The following RMND1 variants were observed in gnomAD, a reference collection of about 807,000 sequenced individuals.
The protein encoded by RMND1 is required for meiotic nuclear division protein 1 homolog.
Under a neutral mutation model 54.0 loss-of-function variants are expected in RMND1, and 41 were observed. That is an observed-to-expected ratio of 0.76 (90% CI 0.59 to 0.98). RMND1 has a LOEUF of 0.98. Among genes scored for constraint, RMND1 ranks in the 50% least tolerant of loss-of-function variants. The probability of loss-of-function intolerance (pLI) is 0.00; values close to 1 mark genes in which losing one functional copy is unlikely to be tolerated. For missense variants in RMND1, 457 were observed against 532.0 expected, an observed-to-expected ratio of 0.86 and a Z score of 1.39; for synonymous variants, 183 against 181.7, an observed-to-expected ratio of 1.01 and a Z score of -0.06.
chr6:151,445,271 TC>T, intron 2 of RMND1, 36 bp downstream of exon 2: 1 of 1,567,462 alleles, frequency 6.4e-7, no homozygotes, highest in Non-Finnish European at 8.6e-7. Context: ...TGAGCAATGA[TC>T]ACTAAGCACG....
At chr6:151,422,699 G>A in intron 7 of RMND1, 94 bp from the exon 8 acceptor site, 1 of 509,144 alleles carries the variant, frequency 2.0e-6, no homozygotes, top group Non-Finnish European at 3.5e-6. Context: ...TACTATTTCA[G>A]TAATAGTTTA....
chr6:151,405,674 G>A, intron 11 of RMND1, 46 bp downstream of exon 11: 1 of 944,434 alleles, frequency 1.1e-6, no homozygotes, highest in South Asian at 1.4e-5. Flanking sequence ...CCCTGTATTT[G>A]TGAAAAGATG....
intron 9 of RMND1, among the ~76,000 whole-genome samples, chr6:151,419,079 T>C (rs1780083764): frequency 7.4e-6 from 1 of 136,050 alleles, no homozygotes; most frequent in Admixed American, 7.2e-5. Flanking sequence ...CTTTTTCTTT[T>C]TTGAGACAGA....
chr6:151,439,246 T>A (rs1780700621), intron 2 of RMND1, among the ~76,000 whole-genome samples: 1 of 152,256 alleles, frequency 6.6e-6, no homozygotes, highest in Non-Finnish European at 1.5e-5. Flanking sequence ...TTGTTATACT[T>A]CGCCTATTGA....
At chr6:151,416,110 C>T (rs963854994) in intron 10 of RMND1, among the ~76,000 whole-genome samples, 8 of 151,750 alleles carry the variant, frequency 5.3e-5, no homozygotes, top group Non-Finnish European at 1.2e-4. Context: ...TCCCGAGTAG[C>T]TGGGACTACA....
At chr6:151,438,127 G>A (rs747251254) in intron 2 of RMND1, among the ~76,000 whole-genome samples, 6 of 152,186 alleles carry the variant, frequency 3.9e-5, no homozygotes, top group Non-Finnish European at 7.3e-5. Context: ...GAACAGGCAC[G>A]TGCTTAAGGT....
intron 6 of RMND1, among the ~76,000 whole-genome samples, chr6:151,427,086 GTA>G (rs1562791726): frequency 6.6e-6 from 1 of 151,972 alleles, no homozygotes; most frequent in Non-Finnish European, 1.5e-5. Context: ...TTTCTTAAAA[GTA>G]AGTTTCCAGG....
In RMND1 at chr6:151,405,268, C is replaced by T; in HGVS notation, c.1318-1G>A. On this transcript the variant is annotated splice_acceptor_variant, in intron 11 of 11. Transcript: ENST00000444024. LOFTEE classifies it high-confidence loss of function. Reference sequence around the variant, plus strand: ...ATACTCGTCCCAGCTCAAACATTACCTTAGAATAGAAAGTGAGAATTATTT... The same window carrying T: ...ATACTCGTCCCAGCTCAAACATTACTTTAGAATAGAAAGTGAGAATTATTT... 3 of 1,612,268 alleles carry T rather than the reference C, an allele frequency of 1.9e-6. No individual in the cohort carries two copies. Among genetic ancestry groups the T allele is most frequent in the Non-Finnish European group, 2.5e-6 (3 of 1,178,580 alleles).
At chr6:151,441,004 C>T (rs913333734) in intron 2 of RMND1, among the ~76,000 whole-genome samples, 6 of 152,110 alleles carry the variant, frequency 3.9e-5, no homozygotes, top group African/African-American at 1.2e-4. Context: ...TCAAACCAAC[C>T]GATAATAGTT....
intron 10 of RMND1, among the ~76,000 whole-genome samples, chr6:151,414,575 C>G (rs1010650442): frequency 4.6e-5 from 7 of 152,008 alleles, no homozygotes; most frequent in Non-Finnish European, 7.4e-5. Context: ...AACGAAAAAG[C>G]AGGAAGTCTC....
chr6:151,415,656 G>GT (rs1301084879), intron 10 of RMND1, among the ~76,000 whole-genome samples: 3 of 151,958 alleles, frequency 2.0e-5, no homozygotes, highest in African/African-American at 7.2e-5. Context: ...AGCTGGGCTT[G>GT]GTGGCGGGTG....
At position 151,423,611 on chromosome 6, in the gene RMND1, CT is replaced by C. The variant is rs757610892; in HGVS notation, c.850del (p.Arg284GlyfsTer6). On this transcript the variant is annotated frameshift_variant, in exon 7 of 12. Coordinates refer to ENST00000444024, the MANE Select transcript of RMND1 (RefSeq NM_017909.4). LOFTEE classifies it high-confidence loss of function. ...IKIEGQSKLH[R>X]GEIKLNSELD... is the part of the protein sequence containing the mutation. ...CTCTGAATTTAACTTGATTTCCCCC[CT>C]GTGAAGTTTTGACTGTCCCCTGTGA... is the stretch of plus-strand genomic sequence containing the variant. The C allele has an allele frequency of 6.2e-7, 1 of 1,613,626 alleles. No homozygotes were observed. The highest frequency in any genetic ancestry group is 8.5e-7 in the Non-Finnish European group (1 of 1,179,612).
intron 10 of RMND1, among the ~76,000 whole-genome samples, chr6:151,413,411 C>T (rs1779915064): frequency 6.6e-6 from 1 of 152,116 alleles, no homozygotes; most frequent in African/African-American, 2.4e-5. Flanking sequence ...TGCATGCCAC[C>T]ATGCCCGACT....
chr6:151,420,112 C>T (rs1271919116), intron 9 of RMND1, among the ~76,000 whole-genome samples: 1 of 152,152 alleles, frequency 6.6e-6, no homozygotes, highest in African/African-American at 2.4e-5. Flanking sequence ...AAACTATTCA[C>T]AAACCTACGT....
intron 2 of RMND1, among the ~76,000 whole-genome samples, chr6:151,440,153 C>G (rs1674097357): frequency 6.6e-6 from 1 of 152,146 alleles, no homozygotes; most frequent in South Asian, 2.1e-4. Context: ...GACGGTGTTT[C>G]TTCATGTTGG....
At chr6:151,449,839 C>G (rs1168178857) in intron 1 of RMND1, among the ~76,000 whole-genome samples, 2 of 152,212 alleles carry the variant, frequency 1.3e-5, no homozygotes, top group Non-Finnish European at 2.9e-5. Context: ...TTGGTGGAGA[C>G]GGGGTTTCGC....
At chr6:151,446,872 GCCT>G (rs1373005019) in intron 1 of RMND1, among the ~76,000 whole-genome samples, 28 of 151,252 alleles carry the variant, frequency 1.9e-4, no homozygotes, top group Non-Finnish European at 3.2e-4. Flanking sequence ...CTGCACTCCA[GCCT>G]GGGCGACAGA....
chr6:151,412,181 T>C (rs1330790782), intron 10 of RMND1, among the ~76,000 whole-genome samples: 1 of 152,156 alleles, frequency 6.6e-6, no homozygotes, highest in Non-Finnish European at 1.5e-5. Flanking sequence ...TTTGTATTTT[T>C]AGTAGAGACA....
chr6:151,429,224 C>T (rs1040896258), intron 5 of RMND1, among the ~76,000 whole-genome samples: 1 of 151,608 alleles, frequency 6.6e-6, no homozygotes, highest in African/African-American at 2.4e-5. Flanking sequence ...AAGGTTTAAG[C>T]GATTCTTGTG....
Sources: allele counts gnomAD v4.1 joint callset (sites outside exome capture counted in the v4.1 genomes callset), GRCh38; gene constraint gnomAD v4.1.1; transcripts MANE v1.5; gene names NCBI Gene and HGNC (gene_info 2026-07-23, HGNC 2026-07-21).